The following OTUD7A variants were observed in gnomAD, a reference collection of about 807,000 sequenced individuals.
OTUD7A encodes the protein OTU deubiquitinase 7A, also known as OTU domain-containing protein 7A.
In OTUD7A, 12 loss-of-function variants were observed where a neutral mutation model predicts 65.7. The ratio of observed to expected loss-of-function variants is 0.18; its 90% CI spans 0.12 to 0.30. The LOEUF is 0.30. OTUD7A is among the 10% of genes least tolerant of loss of function. OTUD7A has a pLI of 1.00. For missense variants in OTUD7A, 1,148 were observed against 1,304.8 expected (o/e 0.88, Z 1.85); for synonymous variants, 641 against 586.3 (o/e 1.09, Z -1.35).
At position 31,508,138 on chromosome 15, in the gene OTUD7A, G is replaced by T. The variant is rs547849917; in HGVS notation, c.894-4320C>A. ...GCTATAACAGAATAAGGAAAGGAAA[G>T]GAAGTAATAGAGAAAGTATATGAAA... On this transcript the variant is annotated intron_variant, in intron 8 of 12. Transcript: ENST00000307050. Among the ~76,000 whole-genome samples, 327 of 152,164 alleles carry T rather than the reference G, an allele frequency of 2.1e-3. 1 individual carries two copies. Among genetic ancestry groups the T allele is most frequent in the African/African-American group, 7.4e-3 (309 of 41,514 alleles).
chr15:31,610,006 A>C (rs1890353305), intron 3 of OTUD7A, among the ~76,000 whole-genome samples: 1 of 151,496 alleles, frequency 6.6e-6, no homozygotes, highest in South Asian at 2.1e-4. Flanking sequence ...GGAAAGGGGG[A>C]GAATACTACA....
At chr15:31,634,043 AT>A (rs1170524492) in intron 3 of OTUD7A, among the ~76,000 whole-genome samples, 1 of 152,190 alleles carries the variant, frequency 6.6e-6, no homozygotes, top group East Asian at 1.9e-4. Context: ...GGCTAAATAA[AT>A]AAATACACCA....
chr15:31,743,882 G>A (rs796424024), intron 1 of OTUD7A, among the ~76,000 whole-genome samples: 8 of 151,552 alleles, frequency 5.3e-5, no homozygotes, highest in African/African-American at 1.9e-4. Context: ...AGGGAAAGAG[G>A]GAAAGCAGGA....
chr15:31,695,394 T>A (rs1305131111), intron 1 of OTUD7A, among the ~76,000 whole-genome samples: 1 of 142,704 alleles, frequency 7.0e-6, no homozygotes, highest in Non-Finnish European at 1.5e-5. Context: ...CCACCAACAC[T>A]GTACTAGTGT....
intron 3 of OTUD7A, among the ~76,000 whole-genome samples, chr15:31,641,203 A>T (rs1231412041): frequency 1.3e-5 from 2 of 151,400 alleles, no homozygotes; most frequent in Non-Finnish European, 2.9e-5. Flanking sequence ...GCTTGCACTC[A>T]CTCCATCCTG....
intron 4 of OTUD7A, among the ~76,000 whole-genome samples, chr15:31,560,978 T>C (rs1271465320): frequency 6.6e-6 from 1 of 152,248 alleles, no homozygotes; most frequent in Non-Finnish European, 1.5e-5. Context: ...AGCATAAGCT[T>C]TTGATCCTAT....
rs757369006 is a variant in OTUD7A at position 31,484,096 on chromosome 15, C to T, written c.2000G>A (p.Ser667Asn). The T allele has an allele frequency of 2.2e-5, 36 of 1,602,170 alleles. No individual in the cohort carries two copies. The highest frequency in any genetic ancestry group is 2.7e-5 in the Non-Finnish European group (32 of 1,178,886). The change falls in exon 13 of 13, where the codon AGC (serine) becomes AAC (asparagine). Residue 667 changes from serine to asparagine, a missense_variant. Coordinates refer to ENST00000307050, the MANE Select transcript of OTUD7A (RefSeq NM_001382637.1). The surrounding 1 kb of genome is among the most constrained non-coding windows in gnomAD (Gnocchi z 4.5). ...CTCGGCGCTGAAGCGCTCCTGCGCG[C>T]TCGTCAGGTAGTAGCCGATCATCTC... Reference protein sequence around the residue: ...HEEMIGYYLTSAQERFSAEQE... With the variant: ...HEEMIGYYLTNAQERFSAEQE...
chr15:31,629,860 A>G (rs1251454959), intron 3 of OTUD7A, among the ~76,000 whole-genome samples: 1 of 152,004 alleles, frequency 6.6e-6, no homozygotes, highest in African/African-American at 2.4e-5. Context: ...TTTCTTCTAG[A>G]TTTTCTAGTT....
At chr15:31,533,355 A>C (rs12910771) in intron 5 of OTUD7A, among the ~76,000 whole-genome samples, 1 of 151,392 alleles carries the variant, frequency 6.6e-6, no homozygotes, top group South Asian at 2.1e-4. Flanking sequence ...TCCTGCCTCA[A>C]CCTCCTAAGT....
rs1161304168 is a variant in OTUD7A at position 31,483,843 on chromosome 15, G to A, written c.2253C>T (p.Ser751=). Residue 751 remains serine (S), a synonymous_variant, in exon 13 of 13, where the codon TCC becomes TCT. Coordinates refer to ENST00000307050, the MANE Select transcript of OTUD7A (RefSeq NM_001382637.1). ...TCGCACGCCGCGCGCCTCCCCCCGG[G>A]GAGGCCGTGCCGCCCGCCGCCGCCC... ...AARAAAGGTA[S]PGGGARRASA... is the part of the protein sequence containing the mutation. The A allele has an allele frequency of 5.1e-6, 5 of 983,726 alleles. No homozygotes were observed. The highest frequency in any genetic ancestry group is 1.8e-5 in the African/African-American group (1 of 56,032). The allele number at this position is 983,726 out of a possible 1,614,324, so 60.9% of individuals were successfully genotyped here.
At chr15:31,858,359 C>CA (rs956711597) in intron 1 of OTUD7A, among the ~76,000 whole-genome samples, 65 of 152,250 alleles carry the variant, frequency 4.3e-4, no homozygotes, top group African/African-American at 1.5e-3. Context: ...GTGTGGCTAG[C>CA]ATGGAAGGCT....
In OTUD7A at chr15:31,608,025, G is replaced by A. The variant is rs370961594; in HGVS notation, c.152-37828C>T. Among the ~76,000 whole-genome samples, 26 of 152,212 alleles carry A rather than the reference G, an allele frequency of 1.7e-4. No homozygotes were observed. The East Asian group carries it at 4.8e-3, about 28-fold the overall frequency. The stretch of plus-strand genomic sequence containing the variant: ...GCACCTTGGGAGGCTGAGGCAGGCG[G>A]ATCATGAGGTCAGGAGATCGAGACC... On this transcript the variant is annotated intron_variant, in intron 3 of 12. Transcript: ENST00000307050.
At chr15:31,619,054 T>C (rs918325130) in intron 3 of OTUD7A, among the ~76,000 whole-genome samples, 1 of 152,218 alleles carries the variant, frequency 6.6e-6, no homozygotes, top group African/African-American at 2.4e-5. Flanking sequence ...TTTCTTGTTT[T>C]TGTCAGGCTT....
rs566445173 is a variant in OTUD7A, at chr15:31,767,151, C to T, written c.-100+103356G>A. 4.2e-5 allele frequency: 58 copies of T among 1,376,930 alleles called. No homozygotes were observed. The African/African-American group carries it at 4.5e-4, about 11-fold the overall frequency. 85.3% of individuals were successfully genotyped at this position (1,376,930 alleles called of 1,614,324 possible). ...TTCTCTACGAAGCAGACTGAGAAGG[C>T]GGCACTCAGTTGATTTGAAGGAACT... On this transcript the variant is annotated intron_variant, in intron 1 of 12. Transcript: ENST00000307050.
chr15:31,486,814 G>A (rs955423422), intron 12 of OTUD7A, among the ~76,000 whole-genome samples: 5 of 152,260 alleles, frequency 3.3e-5, no homozygotes, highest in African/African-American at 1.2e-4. Context: ...GATCTTAGCA[G>A]ATAGTTTTGT....
chr15:31,869,005 T>A (rs192571331), intron 1 of OTUD7A, among the ~76,000 whole-genome samples: 140 of 152,332 alleles, frequency 9.2e-4, no homozygotes, highest in African/African-American at 3.3e-3. Flanking sequence ...GGAGGTGTCA[T>A]TAATTATTAA....
At chr15:31,802,097 GTATATA>G (rs879678129) in intron 1 of OTUD7A, among the ~76,000 whole-genome samples, 3 of 67,316 alleles carry the variant, frequency 4.5e-5, no homozygotes, top group Admixed American at 2.3e-4. Context: ...ATATGTGTGT[GTATATA>G]TGTGTGTGTG....
At chr15:31,568,493 G>A (rs1888947290) in intron 4 of OTUD7A, among the ~76,000 whole-genome samples, 1 of 152,194 alleles carries the variant, frequency 6.6e-6, no homozygotes, top group Non-Finnish European at 1.5e-5. Context: ...ACTCAGACAA[G>A]AGTTTGGACT....
intron 1 of OTUD7A, among the ~76,000 whole-genome samples, chr15:31,792,075 A>G (rs1489699273): frequency 6.6e-6 from 1 of 151,982 alleles, no homozygotes; most frequent in Non-Finnish European, 1.5e-5. Context: ...GCACCCACCA[A>G]GTTTCTTAAG....
Sources: allele counts gnomAD v4.1 joint callset (sites outside exome capture counted in the v4.1 genomes callset), GRCh38; gene constraint gnomAD v4.1.1; non-coding constraint Gnocchi (gnomAD v3.1); transcripts MANE v1.5; gene names NCBI Gene and HGNC (gene_info 2026-07-23, HGNC 2026-07-21).